Variants in PTPA observed in about 807,000 individuals in gnomAD.
PTPA encodes serine/threonine-protein phosphatase 2A activator.
Under a neutral mutation model 43.6 loss-of-function variants are expected in PTPA, and 13 were observed. That is an observed-to-expected ratio of 0.30 (90% CI 0.19 to 0.47). The LOEUF is 0.47. Among genes scored for constraint, PTPA ranks in the 20% least tolerant of loss-of-function variants. The probability of loss-of-function intolerance (pLI) is 0.99; values close to 1 mark genes in which losing one functional copy is unlikely to be tolerated. For missense variants in PTPA, 329 were observed against 411.9 expected (o/e 0.80, Z 1.74); for synonymous variants, 172 against 158.2 (o/e 1.09, Z -0.66).
At chr9:129,136,692 C>T (rs1415918726) in intron 7 of PTPA, 97 bp downstream of exon 7, 5 of 1,374,626 alleles carry the variant, frequency 3.6e-6, no homozygotes, top group Admixed American at 4.8e-5. Context: ...TCCCTTCTTC[C>T]TGCCCAGGGC....
chr9:129,117,095 T>C lies in PTPA; in HGVS notation c.32-3418T>C, dbSNP rs368227869. Among the ~76,000 whole-genome samples, 2 of 152,294 alleles carry C rather than the reference T, an allele frequency of 1.3e-5. 1 individual carries two copies. On this transcript the variant is annotated intron_variant, in intron 1 of 9. Coordinates refer to ENST00000393370, the MANE Select transcript of PTPA (RefSeq NM_178000.3). ...TTTTGTTTTCAAGACAGGGTCTTGC[T>C]CTGTCACCCAGGCTGGAGTGCAGCT...
chr9:129,142,864 A>G, intron 9 of PTPA: 2 of 1,523,540 alleles, frequency 1.3e-6, no homozygotes, highest in East Asian at 2.5e-5. Context: ...CTCCTTTATC[A>G]AGTGGCCAAA....
At chr9:129,137,422 T>C (rs1476467403) in intron 7 of PTPA, among the ~76,000 whole-genome samples, 170 bp from the exon 8 acceptor site, 2 of 152,250 alleles carry the variant, frequency 1.3e-5, no homozygotes, top group Non-Finnish European at 2.9e-5. Flanking sequence ...AGCTAGAGCT[T>C]AGCACATTAG....
At chr9:129,115,448 T>C (rs1354776895) in intron 1 of PTPA, among the ~76,000 whole-genome samples, 4 of 152,174 alleles carry the variant, frequency 2.6e-5, no homozygotes, top group African/African-American at 9.7e-5. Context: ...ACTTTTCTTT[T>C]CTTCAGTTCC....
At position 129,147,461 on chromosome 9, in the gene PTPA, C is replaced by T. The variant is rs1851380390; in HGVS notation, c.969C>T (p.Gly323=). Residue 323 remains glycine (G), a synonymous_variant, in exon 10 of 10, where the codon GGC becomes GGT. Transcript: ENST00000393370. ...TGCCCATCCATCCTGTCACGTCGGG[C>T]TAGGAGGGGCCAAGCCGAAGAGCCA... ...SLLPIHPVTS[G] 1.2e-6 allele frequency: 2 copies of T among 1,613,568 alleles called. No homozygotes were observed. The highest frequency in any genetic ancestry group is 4.5e-5 in the East Asian group (2 of 44,876).
intron 2 of PTPA, among the ~76,000 whole-genome samples, chr9:129,122,093 C>T (rs566059372): frequency 2.6e-5 from 4 of 152,126 alleles, no homozygotes; most frequent in African/African-American, 9.6e-5. Flanking sequence ...TCTCTAGGGG[C>T]CTGCACCTCA....
intron 1 of PTPA, chr9:129,118,992 C>T (rs1270431579): frequency 1.3e-5 from 2 of 159,768 alleles, no homozygotes; most frequent in South Asian, 1.4e-4. Flanking sequence ...GTTTCCTCTT[C>T]CTGGAATCTT....
intron 1 of PTPA, among the ~76,000 whole-genome samples, chr9:129,118,200 T>G (rs1264704104): frequency 6.6e-6 from 1 of 151,640 alleles, no homozygotes; most frequent in African/African-American, 2.4e-5. Flanking sequence ...ATTACAGGTG[T>G]GCGCCACCAC....
chr9:129,142,477 C>T lies in PTPA; in HGVS notation c.819C>T (p.Asn273=). The part of the protein sequence containing the change: ...MKTGPFAEHS[N]QLWNISAVPS... ...CTGGCCCATTTGCAGAGCACTCCAA[C>T]CAGCTGTGGAACATCAGCGCCGTCC... Residue 273 remains asparagine (N), a synonymous_variant, in exon 9 of 10, where the codon AAC becomes AAT. Coordinates refer to ENST00000393370, the MANE Select transcript of PTPA (RefSeq NM_178000.3). 1 of 1,604,376 alleles carries T rather than the reference C, an allele frequency of 6.2e-7. No individual in the cohort carries two copies.
chr9:129,124,326 G>A (rs1849439736), intron 3 of PTPA, among the ~76,000 whole-genome samples: 2 of 150,860 alleles, frequency 1.3e-5, no homozygotes, highest in Admixed American at 6.6e-5. Context: ...TGACAGATGT[G>A]AGCCACCAAG....
chr9:129,117,799 C>A (rs1332146312), intron 1 of PTPA, among the ~76,000 whole-genome samples: 1 of 151,436 alleles, frequency 6.6e-6, no homozygotes, highest in Non-Finnish European at 1.5e-5. Context: ...CCAGTTCAAG[C>A]GATTCTCCTG....
rs749682630 is a variant in PTPA, at chr9:129,140,157, TA to T, written c.787-2286del. On this transcript the variant is annotated intron_variant, in intron 8 of 9. Transcript: ENST00000393370. ...GAGGCAGGAACGCAGCGTCTGTGAGTAATTTCCTGCTCAATATGGCTGCTCT... is the reference window on the plus strand; with the variant it reads ...GAGGCAGGAACGCAGCGTCTGTGAGTATTTCCTGCTCAATATGGCTGCTCT... 28 of 150,936 alleles carry T rather than the reference TA, an allele frequency of 1.9e-4. 1 individual carries two copies. Among genetic ancestry groups the T allele is most frequent in the Middle Eastern group, 3.5e-3 (1 of 286 alleles). 9.3% of individuals were successfully genotyped at this position (150,936 alleles called of 1,614,324 possible).
intron 9 of PTPA, among the ~76,000 whole-genome samples, chr9:129,144,561 A>ACCCCGGG (rs1851155983): frequency 6.6e-6 from 1 of 150,932 alleles, no homozygotes; most frequent in African/African-American, 2.4e-5. Flanking sequence ...ACACAGTGAA[A>ACCCCGGG]CCCCGTCTCT....
At chr9:129,127,998 CT>C in intron 3 of PTPA, 1 of 1,345,274 alleles carries the variant, frequency 7.4e-7, no homozygotes, top group Middle Eastern at 2.1e-4. Flanking sequence ...AAGGAGCAGG[CT>C]GCAAAGCAGA....
intron 9 of PTPA, chr9:129,143,342 T>C (rs533763877): frequency 1.3e-5 from 9 of 703,120 alleles, no homozygotes; most frequent in African/African-American, 8.7e-5. Context: ...CCTGGAGTGA[T>C]GGGTCCTTAA....
At chr9:129,122,668 T>C (rs1849320350) in intron 2 of PTPA, among the ~76,000 whole-genome samples, 1 of 152,248 alleles carries the variant, frequency 6.6e-6, no homozygotes, top group African/African-American at 2.4e-5. Context: ...CCTAGCTCCA[T>C]GTCTAATGAT....
At chr9:129,127,165 C>T (rs1849634183) in intron 3 of PTPA, among the ~76,000 whole-genome samples, 1 of 152,146 alleles carries the variant, frequency 6.6e-6, no homozygotes, top group Non-Finnish European at 1.5e-5. Flanking sequence ...GAAATTTATC[C>T]TCTTACAGGC....
intron 3 of PTPA, chr9:129,127,964 A>G (rs761971950): frequency 7.5e-7 from 1 of 1,328,466 alleles, no homozygotes; most frequent in South Asian, 1.2e-5. Flanking sequence ...TTATATGTAG[A>G]TGTGGAATGA....
intron 8 of PTPA, 31 bp downstream of exon 8, chr9:129,137,723 G>A: frequency 6.5e-7 from 1 of 1,534,206 alleles, no homozygotes. Flanking sequence ...AGAAGCCCAT[G>A]GCTGCCTCCA....
Sources: gnomAD v4.1 joint callset for allele counts (sites outside exome capture counted in the v4.1 genomes callset) on GRCh38, gnomAD v4.1.1 for gene constraint, MANE v1.5 for transcripts, NCBI Gene and HGNC (gene_info 2026-07-23, HGNC 2026-07-21) for gene names.